MBNL2: variants seen among roughly 807,000 people sequenced by gnomAD.
MBNL2 encodes the protein muscleblind like splicing regulator 2, also known as muscleblind-like protein 2.
A neutral mutation model predicts 41.9 loss-of-function variants in MBNL2; 17 were observed. The ratio of observed to expected loss-of-function variants is 0.41; its 90% CI spans 0.28 to 0.61. The LOEUF (loss-of-function observed/expected upper bound fraction) is 0.61, where lower values mean the gene tolerates loss of function less well. Ranked by LOEUF, MBNL2 falls within the 20% of genes least tolerant of loss-of-function variation. MBNL2 has a pLI of 0.35. For synonymous variants in MBNL2, 195 were observed against 182.9 expected, an observed-to-expected ratio of 1.07 and a Z score of -0.53; for missense variants, 336 against 505.6, an observed-to-expected ratio of 0.66 and a Z score of 3.22.
the MBNL2 span, among the ~76,000 whole-genome samples, chr13:97,144,889 G>A: frequency 1.1e-4 from 16 of 152,208 alleles, no homozygotes; most frequent in African/African-American, 3.9e-4. Context: ...GAAGGACCCT[G>A]ACATAGAGCT....
intron 1 of MBNL2, among the ~76,000 whole-genome samples, chr13:97,233,539 A>G (rs2042768967): frequency 6.6e-6 from 1 of 151,820 alleles, no homozygotes; most frequent in African/African-American, 2.4e-5. Flanking sequence ...CCTGAGTCTT[A>G]GCTGGTGGAA....
intron 2 of MBNL2, among the ~76,000 whole-genome samples, chr13:97,316,589 A>G (rs1042008151): frequency 2.0e-5 from 3 of 152,172 alleles, no homozygotes; most frequent in Admixed American, 6.5e-5. Flanking sequence ...TGCACCAGGC[A>G]TGCGTCCTCC....
chr13:97,178,834 C>T, the MBNL2 span, among the ~76,000 whole-genome samples: 1 of 152,072 alleles, frequency 6.6e-6, no homozygotes, highest in African/African-American at 2.4e-5. Flanking sequence ...GAGGTCGAGG[C>T]TGCAGTGAGC....
At chr13:97,369,490 A>G (rs2064162507) in intron 8 of MBNL2, among the ~76,000 whole-genome samples, 1 of 152,178 alleles carries the variant, frequency 6.6e-6, no homozygotes, top group Non-Finnish European at 1.5e-5. Context: ...ACCGATAAGC[A>G]CCCTGCCTTC....
chr13:97,241,002 CTGAA>C (rs1020207625), intron 1 of MBNL2, among the ~76,000 whole-genome samples: 3 of 152,146 alleles, frequency 2.0e-5, no homozygotes, highest in East Asian at 1.9e-4. Context: ...GACTGACTGA[CTGAA>C]TGAATGAATG....
intron 1 of MBNL2, among the ~76,000 whole-genome samples, chr13:97,236,957 A>T (rs1448978268): frequency 6.6e-6 from 1 of 152,218 alleles, no homozygotes; most frequent in Non-Finnish European, 1.5e-5. Context: ...AATCAAGACA[A>T]ATGGAAGGAA....
intron 1 of MBNL2, among the ~76,000 whole-genome samples, chr13:97,224,628 C>CAAAAA (rs538498133): frequency 1.1e-4 from 12 of 107,448 alleles, no homozygotes; most frequent in Admixed American, 4.0e-4. Context: ...GACCTTTTAC[C>CAAAAA]AAAAAAAAAA....
chr13:97,382,828 T>A lies in MBNL2; in HGVS notation c.1049-8494T>A, dbSNP rs956603727. Among the ~76,000 whole-genome samples, 3 of 152,196 alleles carry A rather than the reference T, an allele frequency of 2.0e-5. No homozygotes were observed. The East Asian group carries it at 5.8e-4, about 29-fold the overall frequency. On this transcript the variant is annotated intron_variant, in intron 8 of 8. Coordinates refer to ENST00000679496, the MANE Select transcript of MBNL2 (RefSeq NM_001382683.1). ...TCACTTGGGCCATGCCTGGCTAATTTTTTTGTAGAGACAGGGTTTCACTTT... is the reference window on the plus strand; with the variant it reads ...TCACTTGGGCCATGCCTGGCTAATTATTTTGTAGAGACAGGGTTTCACTTT...
At position 97,237,839 on chromosome 13, in the gene MBNL2, G is replaced by A. The variant is rs187226729; in HGVS notation, c.-605+15308G>A. ...GACAATGCTTTAGAGAGATAATTCC[G>A]TGAGCAGAGTTTAGACCTGAGAATT... is the stretch of plus-strand genomic sequence containing the variant. On this transcript the variant is annotated intron_variant, in intron 1 of 8. Transcript: ENST00000679496. Among the ~76,000 whole-genome samples, 24 of 152,284 alleles carry A rather than the reference G, an allele frequency of 1.6e-4. No individual in the cohort carries two copies. In the East Asian group the frequency reaches 2.9e-3, roughly 18 times the overall value.
intron 5 of MBNL2, among the ~76,000 whole-genome samples, chr13:97,352,992 A>G (rs1461302562): frequency 1.3e-5 from 2 of 152,228 alleles, no homozygotes; most frequent in Non-Finnish European, 2.9e-5. Context: ...TTACACAAAC[A>G]GGTCATTTCC....
chr13:97,292,782 AG>A (rs2056379083), intron 2 of MBNL2, among the ~76,000 whole-genome samples: 1 of 152,012 alleles, frequency 6.6e-6, no homozygotes, highest in Admixed American at 6.5e-5. Flanking sequence ...ATTTTCCTGT[AG>A]GATTTCTTCC....
chr13:97,340,727 G>A (rs994752139), intron 3 of MBNL2, among the ~76,000 whole-genome samples: 6 of 152,188 alleles, frequency 3.9e-5, no homozygotes, highest in African/African-American at 1.4e-4. Context: ...AAAATCTATG[G>A]TTTTACTTTA....
At chr13:97,288,535 G>A (rs943145629) in intron 2 of MBNL2, among the ~76,000 whole-genome samples, 10 of 152,246 alleles carry the variant, frequency 6.6e-5, no homozygotes, top group African/African-American at 1.7e-4. Context: ...AGAAGCCAGC[G>A]GAAAATGCCA....
At chr13:97,211,203 T>G in the MBNL2 span, among the ~76,000 whole-genome samples, 1 of 151,684 alleles carries the variant, frequency 6.6e-6, no homozygotes, top group Non-Finnish European at 1.5e-5. Flanking sequence ...AGATGAAAGA[T>G]TTCTTCTAGC....
intron 1 of MBNL2, among the ~76,000 whole-genome samples, chr13:97,249,809 GT>G (rs2046175228): frequency 6.6e-6 from 1 of 152,166 alleles, no homozygotes; most frequent in African/African-American, 2.4e-5. Context: ...TGAGTATTAG[GT>G]TTCCCCCCTC....
upstream of MBNL2, among the ~76,000 whole-genome samples, chr13:97,219,852 G>T (rs548257958): frequency 3.3e-5 from 5 of 152,322 alleles, no homozygotes; most frequent in Admixed American, 1.3e-4. Context: ...AAGGGGTCAA[G>T]AATATATTCA....
At chr13:97,300,310 G>C (rs1000266091) in intron 2 of MBNL2, among the ~76,000 whole-genome samples, 1 of 152,162 alleles carries the variant, frequency 6.6e-6, no homozygotes, top group East Asian at 1.9e-4. Context: ...AATAAGTTTT[G>C]GTGGACAGCT....
chr13:97,389,350 C>G (rs2066203038), intron 8 of MBNL2, among the ~76,000 whole-genome samples: 2 of 152,146 alleles, frequency 1.3e-5, no homozygotes, highest in South Asian at 4.1e-4. Flanking sequence ...TATAGCATTT[C>G]AATTTCAGCA....
chr13:97,347,080 G>A lies in MBNL2; in HGVS notation c.804+13G>A, dbSNP rs961963000. ...GGCCACAGTCATGGTAAGTGCGGCC[G>A]CCCGCCGCCCCTGCACCCCGGCGCC... On this transcript the variant is annotated intron_variant, in intron 5 of 8. Coordinates refer to ENST00000679496, the MANE Select transcript of MBNL2 (RefSeq NM_001382683.1). 14 of 1,525,250 alleles carry A rather than the reference G, an allele frequency of 9.2e-6. No homozygotes were observed. Among genetic ancestry groups the A allele is most frequent in the South Asian group, 3.7e-5 (3 of 80,680 alleles). The allele number at this position is 1,525,250 out of a possible 1,614,324, so 94.5% of individuals were successfully genotyped here.
Sources: gnomAD v4.1 joint callset for allele counts (sites outside exome capture counted in the v4.1 genomes callset) on GRCh38, gnomAD v4.1.1 for gene constraint, MANE v1.5 for transcripts, NCBI Gene and HGNC (gene_info 2026-07-23, HGNC 2026-07-21) for gene names.